Variants in VWA5A observed in about 807,000 individuals in gnomAD.
The protein encoded by VWA5A is von Willebrand factor A domain containing 5A.
VWA5A carries 77 observed loss-of-function variants against 84.6 expected under a neutral mutation model. The ratio of observed to expected loss-of-function variants is 0.91; its 90% CI spans 0.76 to 1.10. The LOEUF is 1.10. Among genes scored for constraint, VWA5A ranks in the 50% least tolerant of loss-of-function variants. The pLI, the probability that VWA5A is intolerant of heterozygous loss-of-function variation, is 0.00. For synonymous variants in VWA5A, 334 were observed against 350.1 expected, an observed-to-expected ratio of 0.95 and a Z score of 0.51; for missense variants, 973 against 963.0, an observed-to-expected ratio of 1.01 and a Z score of -0.14.
intron 17 of VWA5A, 73 bp downstream of exon 17, chr11:124,142,645 G>C: frequency 6.3e-7 from 1 of 1,580,840 alleles, no homozygotes; most frequent in Non-Finnish European, 8.6e-7. Flanking sequence ...AGGTGATTCA[G>C]GACCTACCTG....
intron 11 of VWA5A, among the ~76,000 whole-genome samples, chr11:124,128,887 C>T (rs948596651): frequency 9.9e-5 from 15 of 152,158 alleles, no homozygotes; most frequent in Non-Finnish European, 1.5e-4. Flanking sequence ...TGGGCTGAGA[C>T]GATAAGGTTT....
At chr11:124,137,574 A>T (rs988019538) in intron 15 of VWA5A, among the ~76,000 whole-genome samples, 27 of 152,224 alleles carry the variant, frequency 1.8e-4, no homozygotes, top group East Asian at 1.2e-3. Context: ...TTTTATTGAG[A>T]TATAATTCAA....
chr11:124,141,804 C>T, intron 16 of VWA5A, 63 bp downstream of exon 16: 12 of 1,567,898 alleles, frequency 7.7e-6, no homozygotes, highest in Non-Finnish European at 1.0e-5. Flanking sequence ...CAGGACTAGG[C>T]AAGCTAAAAG....
At chr11:124,133,660 G>T (rs1865130560) in intron 11 of VWA5A, among the ~76,000 whole-genome samples, 1 of 152,108 alleles carries the variant, frequency 6.6e-6, no homozygotes, top group Admixed American at 6.5e-5. Context: ...CTGCTTGCCT[G>T]CAGAAGATGA....
At chr11:124,123,613 CA>C (rs761576180) in intron 9 of VWA5A, 46 bp from the exon 10 acceptor site, 44 of 1,613,920 alleles carry the variant, frequency 2.7e-5, no homozygotes, top group Non-Finnish European at 3.7e-5. Context: ...CTATACTGGG[CA>C]AGGTTAAGTA....
chr11:124,137,446 C>T (rs1349833354), intron 15 of VWA5A, among the ~76,000 whole-genome samples, 178 bp downstream of exon 15: 1 of 152,092 alleles, frequency 6.6e-6, no homozygotes, highest in Non-Finnish European at 1.5e-5. Context: ...TAGAATGCAT[C>T]CCATTGGCAA....
In VWA5A at chr11:124,123,787, C is replaced by A; in HGVS notation, c.1147C>A (p.Pro383Thr). The A allele has an allele frequency of 6.3e-7, 1 of 1,581,478 alleles. No individual in the cohort carries two copies. The highest frequency in any genetic ancestry group is 8.6e-7 in the Non-Finnish European group (1 of 1,167,410). Residue 383 changes from proline to threonine, a missense_variant, in exon 10 of 19, where the codon CCA becomes ACA. Pro to Thr is a conservative substitution (Grantham distance 38, BLOSUM62 -1). Coordinates refer to ENST00000456829, the MANE Select transcript of VWA5A (RefSeq NM_001130142.2). The part of the protein sequence containing the change: ...LQNIYRGPSI[P>T]GHPLQLFVFT... ...GAACATTTACAGGGGACCCTCCATC[C>A]CAGGCCACCCCCTACAGGTAAGAAG...
At chr11:124,128,488 C>A (rs1865051440) in intron 11 of VWA5A, among the ~76,000 whole-genome samples, 1 of 152,264 alleles carries the variant, frequency 6.6e-6, no homozygotes, top group Non-Finnish European at 1.5e-5. Flanking sequence ...ATTGTCTTGG[C>A]TATATGGGCT....
At position 124,137,123 on chromosome 11, in the gene VWA5A, G is replaced by A; in HGVS notation, c.1734G>A (p.Glu578=). 6.2e-7 allele frequency: 1 copy of A among 1,613,898 alleles called. No individual in the cohort carries two copies. Among genetic ancestry groups the A allele is most frequent in the Non-Finnish European group, 8.5e-7 (1 of 1,180,022 alleles). Residue 578 remains glutamate, a synonymous_variant, in exon 15 of 19, where the codon GAG becomes GAA. Transcript: ENST00000456829. ...AAGATGCATTGAACCTTAGCCTTGA[G>A]TCTGGTGTCATAAGCTCCTTCACAG... The part of the protein sequence containing the change: ...DKKDALNLSL[E]SGVISSFTAF...
chr11:124,118,479 G>C lies in VWA5A; in HGVS notation c.470-54G>C. On this transcript the variant is annotated intron_variant, in intron 5 of 18. Coordinates refer to ENST00000456829, the MANE Select transcript of VWA5A (RefSeq NM_001130142.2). ...AATGGGGAAATTTTCTTAAGGTTGA[G>C]AGTGTCATAAAAAGTGTTGGCAAGG... 3 of 1,611,678 alleles carry C rather than the reference G, an allele frequency of 1.9e-6. 1 individual carries two copies. The South Asian group carries it at 3.3e-5, about 18-fold the overall frequency.
chr11:124,136,491 G>A, intron 13 of VWA5A, 83 bp from the exon 14 acceptor site: 1 of 1,457,072 alleles, frequency 6.9e-7, no homozygotes. Context: ...ACATTGTTTT[G>A]GGTACCTGCC....
At position 124,124,996 on chromosome 11, in the gene VWA5A, C is replaced by T. The variant is rs529672394; in HGVS notation, c.1244+680C>T. On this transcript the variant is annotated intron_variant, in intron 11 of 18. Coordinates refer to ENST00000456829, the MANE Select transcript of VWA5A (RefSeq NM_001130142.2). ...TATTGATTTTAATGCTGTTGGACTT[C>T]GATTTGGCTGTTAAAAATGATGCTG... Among the ~76,000 whole-genome samples, 16 of 152,144 alleles carry T rather than the reference C, an allele frequency of 1.1e-4. No homozygotes were observed. The South Asian group carries it at 2.1e-3, about 20-fold the overall frequency.
rs1860837686 is a variant in VWA5A at position 124,147,323 on chromosome 11, T to C, written c.*1378T>C. 1 of 152,240 alleles carries C rather than the reference T, an allele frequency of 6.6e-6. No homozygotes were observed. The highest frequency in any genetic ancestry group is 1.5e-5 in the Non-Finnish European group (1 of 68,040). 9.4% of individuals were successfully genotyped at this position (152,240 alleles called of 1,614,324 possible). A position where few individuals can be genotyped will look rare whatever the true frequency, so the allele number is the denominator to read the frequency against. Reference sequence around the variant, plus strand: ...AATGATTTCACCCTCAGGCACTTAATATCCTCATCTGTAAAACTAAGGGAT... The same window carrying C: ...AATGATTTCACCCTCAGGCACTTAACATCCTCATCTGTAAAACTAAGGGAT... On this transcript the variant is annotated 3_prime_UTR_variant, in exon 19 of 19. Coordinates refer to ENST00000456829, the MANE Select transcript of VWA5A (RefSeq NM_001130142.2).
At position 124,145,246 on chromosome 11, in the gene VWA5A, T is replaced by C. The variant is rs376457384; in HGVS notation, c.2164T>C (p.Ser722Pro). 134 of 1,613,018 alleles carry C rather than the reference T, an allele frequency of 8.3e-5. No homozygotes were observed. The highest frequency in any genetic ancestry group is 1.1e-4 in the Non-Finnish European group (129 of 1,179,484). The stretch of plus-strand genomic sequence containing the variant: ...TCTATCTACTGTGCAGCTTGTGGAT[T>C]CCTCAGGCTGGGCCACCATCCTGGC... ...MAAQPAELVD[S>P]SGWATILAVI... Residue 722 changes from serine (S) to proline (P), a missense_variant, in exon 18 of 19, where the codon TCC becomes CCC. By Grantham distance (74) the Ser-to-Pro change is moderately conservative. Transcript: ENST00000456829.
Position 124,136,999 on chromosome 11 carries a change from T to A in VWA5A, c.1626-16T>A. 1 of 1,603,126 alleles carries A rather than the reference T, an allele frequency of 6.2e-7. No homozygotes were observed. Among genetic ancestry groups the A allele is most frequent in the Non-Finnish European group, 8.5e-7 (1 of 1,177,044 alleles). The stretch of plus-strand genomic sequence containing the variant: ...TCTTTCCCTACATTTCAGTACTTTT[T>A]TTTTTTTCCTTTCAGCCTCACCATT... On this transcript the variant is annotated splice_polypyrimidine_tract_variant and intron_variant, in intron 14 of 18. Transcript: ENST00000456829.
rs1219772327 is a variant in VWA5A at position 124,117,284 on chromosome 11, A to G, written c.-15-213A>G. On this transcript the variant is annotated intron_variant, in intron 2 of 18. Coordinates refer to ENST00000456829, the MANE Select transcript of VWA5A (RefSeq NM_001130142.2). ...AGAGATTTCCTGTTTAGTAGATACC[A>G]GTGAATCTTACACCTTCCCCACCTG... 14 of 597,276 alleles carry G rather than the reference A, an allele frequency of 2.3e-5. No homozygotes were observed. The East Asian group carries it at 3.9e-4, about 17-fold the overall frequency. The allele number at this position is 597,276 out of a possible 1,614,324, so 37.0% of individuals were successfully genotyped here. A position where few individuals can be genotyped will look rare whatever the true frequency, so the allele number is the denominator to read the frequency against.
In VWA5A at chr11:124,137,054, G is replaced by C. The variant is rs1368797382; in HGVS notation, c.1665G>C (p.Gln555His). The C allele has an allele frequency of 1.2e-6, 2 of 1,612,276 alleles. No homozygotes were observed. The highest frequency in any genetic ancestry group is 8.5e-7 in the Non-Finnish European group (1 of 1,179,666). Reference sequence around the variant, plus strand: ...GCCTTGCTGCCAAGTCCTTGCTCCAGACCAAGGACATGGGCCTCAGGGAGA... The same window carrying C: ...GCCTTGCTGCCAAGTCCTTGCTCCACACCAAGGACATGGGCCTCAGGGAGA... ...IHRLAAKSLL[Q>H]TKDMGLRETP... Residue 555 changes from glutamine to histidine, a missense_variant, in exon 15 of 19, where the codon CAG becomes CAC. Physicochemically the swap from Gln to His is conservative, Grantham distance 24. Transcript: ENST00000456829.
At chr11:124,128,228 T>C (rs1865048216) in intron 11 of VWA5A, among the ~76,000 whole-genome samples, 2 of 152,222 alleles carry the variant, frequency 1.3e-5, no homozygotes, top group Non-Finnish European at 1.5e-5. Context: ...GTTTTCTGCA[T>C]ATGGCTAGCT....
chr11:124,128,450 G>A (rs1865051001), intron 11 of VWA5A, among the ~76,000 whole-genome samples: 3 of 152,138 alleles, frequency 2.0e-5, no homozygotes, highest in Admixed American at 6.6e-5. Context: ...GTAGCGTGAT[G>A]CCTCCAGCTT....
Sources: allele counts gnomAD v4.1 joint callset (sites outside exome capture counted in the v4.1 genomes callset), GRCh38; gene constraint gnomAD v4.1.1; transcripts MANE v1.5; gene names NCBI Gene and HGNC (gene_info 2026-07-23, HGNC 2026-07-21).